The following CNTNAP2 variants were observed in gnomAD, a reference collection of about 807,000 sequenced individuals.
The protein encoded by CNTNAP2 is contactin-associated protein-like 2.
Under a neutral mutation model 155.2 loss-of-function variants are expected in CNTNAP2, and 98 were observed. That is an observed-to-expected ratio of 0.63 (90% confidence interval 0.54 to 0.75). The LOEUF (loss-of-function observed/expected upper bound fraction) is 0.75. Among genes scored for constraint, CNTNAP2 ranks in the 30% least tolerant of loss-of-function variants. CNTNAP2 has a pLI of 0.00. For synonymous variants in CNTNAP2, 651 were observed against 631.2 expected (o/e 1.03, Z -0.47); for missense variants, 1,727 against 1,688.1 (o/e 1.02, Z -0.40).
intron 1 of CNTNAP2, among the ~76,000 whole-genome samples, chr7:146,419,830 G>A (rs535784756): frequency 6.6e-6 from 1 of 152,176 alleles, no homozygotes; most frequent in African/African-American, 2.4e-5. Flanking sequence ...TTCTTTGAAA[G>A]ATGACTGAAG....
chr7:146,167,800 G>A lies in CNTNAP2; in HGVS notation c.97+50827G>A, dbSNP rs10260129. ...GAGTCTATTGAATATTGACTCACAC[G>A]ATCACAAGGTGAAGTCTCACAATAG... is the stretch of plus-strand genomic sequence containing the variant. On this transcript the variant is annotated intron_variant, in intron 1 of 23. Transcript: ENST00000361727. Among the ~76,000 whole-genome samples, 834 of 152,176 alleles carry A rather than the reference G, an allele frequency of 5.5e-3. 10 individuals carry two copies. The highest frequency in any genetic ancestry group is 0.02 in the African/African-American group (810 of 41,530).
intron 14 of CNTNAP2, among the ~76,000 whole-genome samples, chr7:147,964,062 C>T (rs1801162604): frequency 6.6e-6 from 1 of 151,962 alleles, no homozygotes; most frequent in South Asian, 2.1e-4. Context: ...TAAAATGAGG[C>T]CACAAGAATG....
intron 1 of CNTNAP2, among the ~76,000 whole-genome samples, chr7:146,196,398 G>A (rs142236017): frequency 6.6e-6 from 1 of 152,172 alleles, no homozygotes; most frequent in African/African-American, 2.4e-5. Context: ...TACAATGAGA[G>A]GTAGAAAGAA....
intron 21 of CNTNAP2, among the ~76,000 whole-genome samples, chr7:148,316,642 TTAG>T (rs751689162): frequency 6.6e-6 from 1 of 151,348 alleles, no homozygotes; most frequent in Non-Finnish European, 1.5e-5. Context: ...CCAACACAAA[TTAG>T]TAGAATGTTC....
chr7:146,667,488 AT>A (rs138513768), intron 1 of CNTNAP2, among the ~76,000 whole-genome samples: 2 of 150,982 alleles, frequency 1.3e-5, no homozygotes, highest in East Asian at 1.9e-4. Flanking sequence ...AAATTTTAGG[AT>A]TTTTTTTCTA....
At chr7:146,523,152 G>A (rs926445285) in intron 1 of CNTNAP2, among the ~76,000 whole-genome samples, 3 of 151,766 alleles carry the variant, frequency 2.0e-5, no homozygotes, top group Admixed American at 6.6e-5. Context: ...CCCTTCCCAC[G>A]CTTTCCCCCA....
chr7:148,260,664 C>T (rs1368055998), intron 20 of CNTNAP2, among the ~76,000 whole-genome samples: 1 of 152,198 alleles, frequency 6.6e-6, no homozygotes, highest in Non-Finnish European at 1.5e-5. Context: ...GAAATCCGTG[C>T]AGTTTCCTAG....
chr7:147,067,836 G>T (rs534907848), intron 4 of CNTNAP2, among the ~76,000 whole-genome samples: 1 of 152,208 alleles, frequency 6.6e-6, no homozygotes, highest in African/African-American at 2.4e-5. Context: ...TTCGCATTCG[G>T]TTGTTCTCTT....
At chr7:146,117,109 C>G (rs577211485) in intron 1 of CNTNAP2, 136 bp downstream of exon 1, 1 of 730,982 alleles carries the variant, frequency 1.4e-6, no homozygotes, top group East Asian at 2.7e-5. Flanking sequence ...CACACACTTG[C>G]AGCCACTGCA....
At chr7:147,301,678 G>A (rs1794949132) in intron 9 of CNTNAP2, among the ~76,000 whole-genome samples, 1 of 149,116 alleles carries the variant, frequency 6.7e-6, no homozygotes, top group Admixed American at 6.7e-5. Context: ...CATGAGAGCA[G>A]CCACCTTGTT....
At chr7:146,447,729 A>C (rs1796422206) in intron 1 of CNTNAP2, among the ~76,000 whole-genome samples, 1 of 151,958 alleles carries the variant, frequency 6.6e-6, no homozygotes, top group Admixed American at 6.6e-5. Context: ...TTATTTTAAT[A>C]GTTTCAAAGG....
At chr7:146,952,594 AT>A (rs1186977189) in intron 3 of CNTNAP2, among the ~76,000 whole-genome samples, 1 of 152,170 alleles carries the variant, frequency 6.6e-6, no homozygotes, top group East Asian at 1.9e-4. Context: ...AGGATATAAA[AT>A]CAATGTGCAA....
chr7:146,956,349 T>C (rs1298355144), intron 3 of CNTNAP2, among the ~76,000 whole-genome samples: 1 of 152,108 alleles, frequency 6.6e-6, no homozygotes, highest in Non-Finnish European at 1.5e-5. Context: ...AAGTTGCATC[T>C]CTCTAATTAT....
At chr7:147,412,173 G>T (rs1173884921) in intron 10 of CNTNAP2, among the ~76,000 whole-genome samples, 1 of 152,166 alleles carries the variant, frequency 6.6e-6, no homozygotes, top group East Asian at 1.9e-4. Flanking sequence ...TTAAGAAAAA[G>T]ACCCAGATCC....
intron 1 of CNTNAP2, among the ~76,000 whole-genome samples, chr7:146,709,891 T>G (rs1801033763): frequency 6.6e-6 from 1 of 152,088 alleles, no homozygotes; most frequent in African/African-American, 2.4e-5. Flanking sequence ...ATCTGTTTAG[T>G]TTTGGAAACA....
At chr7:147,403,833 T>A (rs1193876035) in intron 10 of CNTNAP2, among the ~76,000 whole-genome samples, 12 of 151,734 alleles carry the variant, frequency 7.9e-5, no homozygotes, top group East Asian at 1.9e-4. Flanking sequence ...AAAAAAAAAA[T>A]TTTATTAGTG....
intron 13 of CNTNAP2, among the ~76,000 whole-genome samples, chr7:147,718,824 A>T (rs1232380751): frequency 1.3e-5 from 2 of 152,178 alleles, no homozygotes; most frequent in Non-Finnish European, 2.9e-5. Flanking sequence ...TAATGGCTTA[A>T]TCTAATTACA....
chr7:147,842,072 C>T (rs1472698948), intron 13 of CNTNAP2, among the ~76,000 whole-genome samples: 2 of 152,170 alleles, frequency 1.3e-5, no homozygotes, highest in Non-Finnish European at 2.9e-5. Context: ...TTTCACTTCA[C>T]ATGTGTTACA....
intron 19 of CNTNAP2, among the ~76,000 whole-genome samples, chr7:148,226,477 G>T (rs150311415): frequency 6.6e-6 from 1 of 152,112 alleles, no homozygotes; most frequent in Admixed American, 6.6e-5. Context: ...AGGAACGACC[G>T]TCTCCCAATA....
Sources: gnomAD v4.1 joint callset for allele counts (sites outside exome capture counted in the v4.1 genomes callset) on GRCh38, gnomAD v4.1.1 for gene constraint, MANE v1.5 for transcripts, NCBI Gene and HGNC (gene_info 2026-07-23, HGNC 2026-07-21) for gene names.